Variants in SMG6 observed in about 807,000 individuals in gnomAD.
SMG6 encodes the protein SMG6 nonsense mediated mRNA decay factor.
In SMG6, 66 loss-of-function variants were observed where a neutral mutation model predicts 142.2. The observed-to-expected ratio is 0.46, with a 90% CI of 0.38 to 0.57. The LOEUF (loss-of-function observed/expected upper bound fraction) is 0.57, where lower values mean the gene tolerates loss of function less well. SMG6 is among the 20% of genes least tolerant of loss of function. The pLI is 0.00. For missense variants in SMG6, 1,793 were observed against 1,832.0 expected, an observed-to-expected ratio of 0.98 and a Z score of 0.39; for synonymous variants, 779 against 702.4, an observed-to-expected ratio of 1.11 and a Z score of -1.72.
chr17:2,083,433 C>T (rs917955127), intron 14 of SMG6, among the ~76,000 whole-genome samples: 4 of 152,234 alleles, frequency 2.6e-5, no homozygotes, highest in African/African-American at 9.6e-5. Flanking sequence ...ACACCTTTCC[C>T]TACCTCTCCC....
chr17:2,210,488 G>A (rs1362911742), intron 10 of SMG6, among the ~76,000 whole-genome samples: 1 of 151,878 alleles, frequency 6.6e-6, no homozygotes, highest in Non-Finnish European at 1.5e-5. Context: ...AGTTAGAAAT[G>A]TGGGCCAAAG....
At chr17:2,075,535 G>A (rs901651193) in intron 15 of SMG6, among the ~76,000 whole-genome samples, 7 of 152,218 alleles carry the variant, frequency 4.6e-5, no homozygotes, top group Admixed American at 2.6e-4. Flanking sequence ...TGAGGAAGCG[G>A]GGGATTCACA....
intron 13 of SMG6, among the ~76,000 whole-genome samples, chr17:2,138,315 GCCTGTC>G (rs1456235584): frequency 1.3e-5 from 2 of 152,128 alleles, no homozygotes; most frequent in Non-Finnish European, 1.5e-5. Context: ...AGATAAAGAA[GCCTGTC>G]CCCCATCTAC....
At chr17:2,226,599 CAAAA>C (rs894880317) in intron 10 of SMG6, among the ~76,000 whole-genome samples, 18 of 139,342 alleles carry the variant, frequency 1.3e-4, no homozygotes, top group African/African-American at 4.7e-4. Context: ...AACAAACAAA[CAAAA>C]AAAAAACAAA....
At chr17:2,186,531 T>A in intron 12 of SMG6, 132 bp downstream of exon 12, 1 of 1,061,368 alleles carries the variant, frequency 9.4e-7, no homozygotes. Flanking sequence ...TCAAAAAAAG[T>A]TCAAATAAAG....
chr17:2,068,503 G>A lies in SMG6; in HGVS notation c.3835+275C>T, dbSNP rs1439406980. ...GCTGTTTTACTGCAAGCTTTATAAGGATAAAAACAAGGGCTGGGCTCATGC... is the reference window on the plus strand; with the variant it reads ...GCTGTTTTACTGCAAGCTTTATAAGAATAAAAACAAGGGCTGGGCTCATGC... On this transcript the variant is annotated intron_variant, in intron 16 of 18. Transcript: ENST00000263073. This position sits in a 1 kb window ranked among gnomAD's most constrained non-coding sequence, Gnocchi z 6.7. Among the ~76,000 whole-genome samples, 1 of 152,356 alleles carries A rather than the reference G, an allele frequency of 6.6e-6. No homozygotes were observed. The highest frequency in any genetic ancestry group is 1.9e-4 in the East Asian group (1 of 5,188).
chr17:2,225,518 G>A (rs924065849), intron 10 of SMG6, among the ~76,000 whole-genome samples: 6 of 151,492 alleles, frequency 4.0e-5, no homozygotes, highest in Non-Finnish European at 7.4e-5. Context: ...ATATAGGTGC[G>A]TTTGAACAAA....
In SMG6 at chr17:2,061,457, C is replaced by T. The variant is rs77194529; in HGVS notation, c.*35G>A. The stretch of plus-strand genomic sequence containing the variant: ...TGGGCGCCTGGTGGCCTTTCAGGAA[C>T]GGTTCCACGGGGGGGGGGCCCCAGT... On this transcript the variant is annotated 3_prime_UTR_variant, in exon 19 of 19. Transcript: ENST00000263073. 0.023 allele frequency: 33,326 copies of T among 1,465,714 alleles called. 575 individuals carry two copies. The highest frequency in any genetic ancestry group is 0.057 in the South Asian group (4,765 of 83,016). The allele number at this position is 1,465,714 out of a possible 1,614,324, so 90.8% of individuals were successfully genotyped here. A position where few individuals can be genotyped will look rare whatever the true frequency, so the allele number is the denominator to read the frequency against.
intron 10 of SMG6, among the ~76,000 whole-genome samples, chr17:2,216,883 T>C (rs933246509): frequency 2.0e-5 from 3 of 152,136 alleles, no homozygotes; most frequent in African/African-American, 4.8e-5. Context: ...CAGGAAGAGT[T>C]AGAAGAATCA....
intron 16 of SMG6, among the ~76,000 whole-genome samples, chr17:2,067,894 A>G (rs2067995210): frequency 6.6e-6 from 1 of 152,194 alleles, no homozygotes; most frequent in South Asian, 2.1e-4. Flanking sequence ...GTGGCTTGGC[A>G]GGCAGACTGC....
At chr17:2,286,399 G>C (rs2074906251) in intron 6 of SMG6, among the ~76,000 whole-genome samples, 1 of 151,076 alleles carries the variant, frequency 6.6e-6, no homozygotes, top group African/African-American at 2.4e-5. Context: ...TGTGGTACTG[G>C]CATGAGGACT....
intron 10 of SMG6, among the ~76,000 whole-genome samples, chr17:2,194,544 C>A (rs1280852117): frequency 2.0e-5 from 3 of 151,334 alleles, no homozygotes; most frequent in East Asian, 3.9e-4. Context: ...ATGAAAATTA[C>A]CGCAGAAAGA....
chr17:2,274,129 T>G (rs1220129675), intron 8 of SMG6, among the ~76,000 whole-genome samples: 1 of 152,266 alleles, frequency 6.6e-6, no homozygotes, highest in East Asian at 1.9e-4. Context: ...ATTTACATAT[T>G]GTCCATGGCT....
chr17:2,190,309 G>C (rs1021747527), intron 10 of SMG6, among the ~76,000 whole-genome samples: 4 of 152,162 alleles, frequency 2.6e-5, no homozygotes, highest in African/African-American at 9.7e-5. Context: ...GATACTCTGA[G>C]TAAACATTAG....
In SMG6 at chr17:2,299,340, C is replaced by A. The variant is rs149206280; in HGVS notation, c.1413G>T (p.Thr471=). ...PDQKPALKTQ[T]PQLHFLDTDD... ...CAGTGTCCAAGAAATGTAGCTGGGG[C>A]GTCTGAGTCTTTAGAGCAGGTTTCT... Residue 471 remains threonine, a synonymous_variant, in exon 2 of 19, where the codon ACG becomes ACT. Coordinates refer to ENST00000263073, the MANE Select transcript of SMG6 (RefSeq NM_017575.5). This position sits in a 1 kb window ranked among gnomAD's most constrained non-coding sequence, Gnocchi z 4.3. 6.2e-7 allele frequency: 1 copy of A among 1,613,970 alleles called. No homozygotes were observed. Among genetic ancestry groups the A allele is most frequent in the Non-Finnish European group, 8.5e-7 (1 of 1,180,014 alleles).
intron 13 of SMG6, among the ~76,000 whole-genome samples, chr17:2,086,118 C>T (rs1221495367): frequency 2.0e-5 from 3 of 152,264 alleles, no homozygotes; most frequent in Non-Finnish European, 4.4e-5. Context: ...GAGGTTATCT[C>T]TCCTTAGGTT....
chr17:2,244,474 T>C (rs2073885349), intron 9 of SMG6, among the ~76,000 whole-genome samples, 184 bp downstream of exon 9: 1 of 151,982 alleles, frequency 6.6e-6, no homozygotes. Context: ...AGATAGAGAG[T>C]AATATTTACC....
At chr17:2,248,030 T>C (rs2073962364) in intron 8 of SMG6, among the ~76,000 whole-genome samples, 2 of 152,006 alleles carry the variant, frequency 1.3e-5, no homozygotes, top group African/African-American at 2.4e-5. Context: ...CGCTTGAACC[T>C]GGGAGGCGGA....
chr17:2,163,353 A>T (rs999923044), intron 13 of SMG6, among the ~76,000 whole-genome samples: 13 of 151,492 alleles, frequency 8.6e-5, no homozygotes, highest in African/African-American at 2.2e-4. Context: ...AGCCCAGCTG[A>T]TTTTTTAAAT....
Sources: allele counts gnomAD v4.1 joint callset (sites outside exome capture counted in the v4.1 genomes callset), GRCh38; gene constraint gnomAD v4.1.1; non-coding constraint Gnocchi (gnomAD v3.1); transcripts MANE v1.5; gene names NCBI Gene and HGNC (gene_info 2026-07-23, HGNC 2026-07-21).